Variants in IQCH observed in about 807,000 individuals in gnomAD.
The protein encoded by IQCH is IQ motif containing H.
IQCH carries 98 observed loss-of-function variants against 117.0 expected under a neutral mutation model. That is an observed-to-expected ratio of 0.84 (90% CI 0.71 to 0.99). The LOEUF (loss-of-function observed/expected upper bound fraction) is 0.99. Ranked by LOEUF, IQCH falls within the 50% of genes least tolerant of loss-of-function variation. The probability of loss-of-function intolerance (pLI) is 0.00; values close to 1 mark genes in which losing one functional copy is unlikely to be tolerated. For synonymous variants in IQCH, 412 were observed against 448.2 expected, an observed-to-expected ratio of 0.92 and a Z score of 1.02; for missense variants, 1,102 against 1,243.8, an observed-to-expected ratio of 0.89 and a Z score of 1.72.
rs1168410524 is a variant in IQCH, at chr15:67,490,856, G to A, written c.2861+792G>A. 6.6e-6 allele frequency among the ~76,000 whole-genome samples: 1 copy of A among 152,214 alleles called. No homozygotes were observed. Among genetic ancestry groups the A allele is most frequent in the Non-Finnish European group, 1.5e-5 (1 of 68,044 alleles). On this transcript the variant is annotated intron_variant, in intron 19 of 20. Transcript: ENST00000335894. The surrounding 1 kb of genome is among the most constrained non-coding windows in gnomAD (Gnocchi z 4.9). ...CACAGGCTGCTGGCAACACTCGGAGGCTTCCGCACTTCTCCCAGATTTCCC... is the reference window on the plus strand; with the variant it reads ...CACAGGCTGCTGGCAACACTCGGAGACTTCCGCACTTCTCCCAGATTTCCC...
rs966582816 is a variant in IQCH, at chr15:67,384,557, T to G, written c.1373-379T>G. On this transcript the variant is annotated intron_variant, in intron 10 of 20. Coordinates refer to ENST00000335894, the MANE Select transcript of IQCH (RefSeq NM_001031715.3). The surrounding 1 kb of genome is among the most constrained non-coding windows in gnomAD (Gnocchi z 4.3). ...TGGAACACATCTTCAAAATACCACA[T>G]AAGAAGCTCACATTAAGAAGCCAAA... Among the ~76,000 whole-genome samples, 1 of 152,164 alleles carries G rather than the reference T, an allele frequency of 6.6e-6. No homozygotes were observed. The highest frequency in any genetic ancestry group is 2.4e-5 in the African/African-American group (1 of 41,448).
Position 67,395,288 on chromosome 15 carries a change from C to G in IQCH, c.1633-3C>G. On this transcript the variant is annotated splice_region_variant and splice_polypyrimidine_tract_variant and intron_variant, in intron 12 of 20. Transcript: ENST00000335894. This position sits in a 1 kb window ranked among gnomAD's most constrained non-coding sequence, Gnocchi z 4.0. ...TAACAAGAATAATATGATCTTCCCC[C>G]AGAAGCATCATATGTGCCTGGCCAC... The G allele has an allele frequency of 1.9e-6, 3 of 1,608,832 alleles. No homozygotes were observed. In the South Asian group the frequency reaches 3.3e-5, roughly 18 times the overall value.
rs542180490 is a variant in IQCH, at chr15:67,425,011, C to A, written c.2505+3434C>A. ...ACTGGCAGGCATATTATCAACCTCT[C>A]ATTTTTTGTCAGTCTAACAGGTTAA... On this transcript the variant is annotated intron_variant, in intron 16 of 20. Coordinates refer to ENST00000335894, the MANE Select transcript of IQCH (RefSeq NM_001031715.3). The surrounding 1 kb of genome is among the most constrained non-coding windows in gnomAD (Gnocchi z 5.5). Among the ~76,000 whole-genome samples, 4 of 152,276 alleles carry A rather than the reference C, an allele frequency of 2.6e-5. No homozygotes were observed. Among genetic ancestry groups the A allele is most frequent in the African/African-American group, 9.6e-5 (4 of 41,560 alleles).
chr15:67,450,734 T>G (rs2082504169), intron 16 of IQCH, among the ~76,000 whole-genome samples: 1 of 152,224 alleles, frequency 6.6e-6, no homozygotes, highest in South Asian at 2.1e-4. Context: ...GATGCTGGCC[T>G]CATAAAATGA....
At chr15:67,290,792 C>T (rs1966723729) in intron 4 of IQCH, among the ~76,000 whole-genome samples, 1 of 152,086 alleles carries the variant, frequency 6.6e-6, no homozygotes, top group African/African-American at 2.4e-5. Flanking sequence ...AAATTTGTGC[C>T]ATTCACTGTG....
intron 10 of IQCH, among the ~76,000 whole-genome samples, chr15:67,383,636 TATAC>T (rs1227356402): frequency 6.6e-6 from 1 of 152,202 alleles, no homozygotes; most frequent in Non-Finnish European, 1.5e-5. Context: ...TAGATAAAAT[TATAC>T]ATATGCAAAA....
chr15:67,444,149 G>A, intron 16 of IQCH, among the ~76,000 whole-genome samples: 1 of 152,186 alleles, frequency 6.6e-6, no homozygotes, highest in Non-Finnish European at 1.5e-5. Flanking sequence ...TATGCTTGTT[G>A]AATTGAGTTG....
chr15:67,420,189 G>A lies in IQCH; in HGVS notation c.2219-1102G>A, dbSNP rs527635206. On this transcript the variant is annotated intron_variant, in intron 15 of 20. Coordinates refer to ENST00000335894, the MANE Select transcript of IQCH (RefSeq NM_001031715.3). The stretch of plus-strand genomic sequence containing the variant: ...ACACTCCAAAATCGGTTTTCCTTTT[G>A]AAACTTGGTGTTTGTTAGGACTACC... Among the ~76,000 whole-genome samples the A allele has an allele frequency of 1.1e-4, 17 of 152,296 alleles. No individual in the cohort carries two copies. In the South Asian group the frequency reaches 3.5e-3, roughly 32 times the overall value.
intron 4 of IQCH, among the ~76,000 whole-genome samples, chr15:67,279,722 G>T (rs560828704): frequency 6.6e-6 from 1 of 152,150 alleles, no homozygotes; most frequent in Admixed American, 6.5e-5. Context: ...GTGAATTTTG[G>T]CTGGGTGCAG....
In IQCH at chr15:67,296,331, C is replaced by T. The variant is rs184585299; in HGVS notation, c.387+16819C>T. ...AAGACATTCGCAGAAGAGGGAACAG[C>T]ATGCTCACTTGCAGAGGTGGAGAGA... On this transcript the variant is annotated intron_variant, in intron 4 of 20. Coordinates refer to ENST00000335894, the MANE Select transcript of IQCH (RefSeq NM_001031715.3). Among the ~76,000 whole-genome samples the T allele has an allele frequency of 1.4e-4, 21 of 152,270 alleles. No individual in the cohort carries two copies. In the East Asian group the frequency reaches 3.1e-3, roughly 22 times the overall value.
At chr15:67,287,431 T>TG (rs1489817836) in intron 4 of IQCH, among the ~76,000 whole-genome samples, 1 of 152,176 alleles carries the variant, frequency 6.6e-6, no homozygotes, top group Non-Finnish European at 1.5e-5. Context: ...TGTTTTATTA[T>TG]GGCTTCAGTC....
In IQCH at chr15:67,430,683, A is replaced by C. The variant is rs1419297258; in HGVS notation, c.2505+9106A>C. 1.3e-5 allele frequency among the ~76,000 whole-genome samples: 2 copies of C among 152,170 alleles called. No homozygotes were observed. Among genetic ancestry groups the C allele is most frequent in the African/African-American group, 4.8e-5 (2 of 41,440 alleles). On this transcript the variant is annotated intron_variant, in intron 16 of 20. Transcript: ENST00000335894. The surrounding 1 kb of genome is among the most constrained non-coding windows in gnomAD (Gnocchi z 5.1). ...CTTTTGGAACTTCTAGATGATCCAG[A>C]TCTTTTGTAGTTAATTACTCACTTT...
At position 67,434,987 on chromosome 15, in the gene IQCH, G is replaced by GTT. The variant is rs67509951; in HGVS notation, c.2505+13419_2505+13420dup. Among the ~76,000 whole-genome samples the GTT allele has an allele frequency of 2.2e-3, 314 of 145,110 alleles. 1 individual carries two copies. The highest frequency in any genetic ancestry group is 7.5e-3 in the African/African-American group (290 of 38,720). On this transcript the variant is annotated intron_variant, in intron 16 of 20. Coordinates refer to ENST00000335894, the MANE Select transcript of IQCH (RefSeq NM_001031715.3). ...TTGTATTTTTGTATTTTGTATCTTT[G>GTT]TTTTTTTTTTAATTTTTTTTAATTT...
At chr15:67,358,188 T>A (rs2140740047) in intron 7 of IQCH, among the ~76,000 whole-genome samples, 1 of 102,336 alleles carries the variant, frequency 9.8e-6, no homozygotes, top group Non-Finnish European at 2.0e-5. Flanking sequence ...TTTTTAACCA[T>A]CATGAGGCAC....
Position 67,417,050 on chromosome 15 carries a change from A to T in IQCH, c.2217A>T (p.Gln739His). Residue 739 changes from glutamine (Q) to histidine (H), a missense_variant and splice_region_variant, in exon 15 of 21, where the codon CAA becomes CAT. By Grantham distance (24) the Gln-to-His change is conservative. Coordinates refer to ENST00000335894, the MANE Select transcript of IQCH (RefSeq NM_001031715.3). This position sits in a 1 kb window ranked among gnomAD's most constrained non-coding sequence, Gnocchi z 4.3. ...AATTCCTCCAAACATTTCTCAGTCA[A>T]GGTAAATAAGACTGTAAAGTTTCTA... Reference protein sequence around the residue: ...WRKFLQTFLSQGGVIEAFPPA... With the variant: ...WRKFLQTFLSHGGVIEAFPPA... 1 of 1,604,658 alleles carries T rather than the reference A, an allele frequency of 6.2e-7. No individual in the cohort carries two copies. Among genetic ancestry groups the T allele is most frequent in the Non-Finnish European group, 8.5e-7 (1 of 1,176,148 alleles).
chr15:67,358,286 C>T (rs909380678), intron 7 of IQCH, among the ~76,000 whole-genome samples: 2 of 140,840 alleles, frequency 1.4e-5, no homozygotes, highest in African/African-American at 5.3e-5. Context: ...CCTCTGGCTC[C>T]GAGATTCAAG....
In IQCH at chr15:67,474,067, AGTGTGTGTGTGTGTGT is replaced by A. The variant is rs36050088; in HGVS notation, c.2677-1607_2677-1592del. ...GTCACCAAAAGTGCCACGAAATCTGAGTGTGTGTGTGTGTGTGTGTGTGTGTGTGTGTGTGTGGAGA... is the reference window on the plus strand; with the variant it reads ...GTCACCAAAAGTGCCACGAAATCTGAGTGTGTGTGTGTGTGTGTGTGGAGA... On this transcript the variant is annotated intron_variant, in intron 17 of 20. Coordinates refer to ENST00000335894, the MANE Select transcript of IQCH (RefSeq NM_001031715.3). The surrounding 1 kb of genome is among the most constrained non-coding windows in gnomAD (Gnocchi z 4.1). Among the ~76,000 whole-genome samples the A allele has an allele frequency of 7.2e-6, 1 of 138,214 alleles. No individual in the cohort carries two copies. The allele number at this position is 138,214 out of a possible 152,430, so 90.7% of individuals were successfully genotyped here.
At chr15:67,448,151 G>A (rs917686450) in intron 16 of IQCH, among the ~76,000 whole-genome samples, 1 of 44,622 alleles carries the variant, frequency 2.2e-5, no homozygotes, top group Non-Finnish European at 4.9e-5. Flanking sequence ...TCCATCCTAA[G>A]TGACTCTGTG....
intron 16 of IQCH, among the ~76,000 whole-genome samples, chr15:67,455,222 G>A (rs1457653084): frequency 6.6e-6 from 1 of 152,190 alleles, no homozygotes; most frequent in African/African-American, 2.4e-5. Context: ...TGTGCTGAGT[G>A]TTGTACAGGA....
Sources: gnomAD v4.1 joint callset for allele counts (sites outside exome capture counted in the v4.1 genomes callset) on GRCh38, gnomAD v4.1.1 for gene constraint, Gnocchi (gnomAD v3.1) non-coding constraint, MANE v1.5 for transcripts, NCBI Gene and HGNC (gene_info 2026-07-23, HGNC 2026-07-21) for gene names.